Variants in WNK4 observed in about 807,000 individuals in gnomAD.
WNK4 encodes the protein serine/threonine-protein kinase WNK4.
A neutral mutation model predicts 116.2 loss-of-function variants in WNK4; 94 were observed. The ratio of observed to expected loss-of-function variants is 0.81; its 90% CI spans 0.68 to 0.96. The LOEUF (loss-of-function observed/expected upper bound fraction) is 0.96, where lower values mean the gene tolerates loss of function less well. Among genes scored for constraint, WNK4 ranks in the 40% least tolerant of loss-of-function variants. WNK4 has a pLI of 0.00. For synonymous variants in WNK4, 655 were observed against 672.7 expected (o/e 0.97, Z 0.41); for missense variants, 1,542 against 1,650.6 (o/e 0.93, Z 1.14).
chr17:42,787,553 C>T lies in WNK4; in HGVS notation c.1741+11C>T. On this transcript the variant is annotated intron_variant, in intron 7 of 18. Coordinates refer to ENST00000246914, the MANE Select transcript of WNK4 (RefSeq NM_032387.5). ...ACTCATCTACCACTTGTAAGTCACC[C>T]CTGATCTTGAGACGTAGGTCCCAGA... The T allele has an allele frequency of 6.2e-7, 1 of 1,613,176 alleles. No individual in the cohort carries two copies. Among genetic ancestry groups the T allele is most frequent in the Non-Finnish European group, 8.5e-7 (1 of 1,179,984 alleles).
At position 42,782,951 on chromosome 17, in the gene WNK4, G is replaced by A. The variant is rs1387805054; in HGVS notation, c.791+21G>A. 1 of 1,612,696 alleles carries A rather than the reference G, an allele frequency of 6.2e-7. No individual in the cohort carries two copies. Among genetic ancestry groups the A allele is most frequent in the Admixed American group, 1.7e-5 (1 of 59,816 alleles). ...AAGACGTGAGCTCTGCGCATGAGTG[G>A]GTGGGGAGAGGGAGGCTGGGATGTG... On this transcript the variant is annotated intron_variant, in intron 2 of 18. Coordinates refer to ENST00000246914, the MANE Select transcript of WNK4 (RefSeq NM_032387.5). The surrounding 1 kb of genome is among the most constrained non-coding windows in gnomAD (Gnocchi z 4.2).
chr17:42,780,622 A>G lies in WNK4; in HGVS notation c.-77A>G. 1 of 1,573,628 alleles carries G rather than the reference A, an allele frequency of 6.4e-7. No individual in the cohort carries two copies. Among genetic ancestry groups the G allele is most frequent in the Non-Finnish European group, 8.6e-7 (1 of 1,163,142 alleles). ...CAGCCGCTCAGCCGGAGCGCAGCGC[A>G]CCCAGCGAGTCCGTCTGTCAGGCCG... On this transcript the variant is annotated 5_prime_UTR_variant, in exon 1 of 19. Coordinates refer to ENST00000246914, the MANE Select transcript of WNK4 (RefSeq NM_032387.5).
chr17:42,796,397 G>A, intron 17 of WNK4, 75 bp downstream of exon 17: 2 of 1,613,204 alleles, frequency 1.2e-6, no homozygotes, highest in South Asian at 1.1e-5. Flanking sequence ...CCAGGCCCTG[G>A]GGGTCTGCCC....
Position 42,796,024 on chromosome 17 carries a change from T to C in WNK4, c.3422T>C (p.Leu1141Pro). The C allele has an allele frequency of 1.2e-6, 2 of 1,613,812 alleles. No homozygotes were observed. Among genetic ancestry groups the C allele is most frequent in the Non-Finnish European group, 1.7e-6 (2 of 1,180,000 alleles). ...GAGTTCTGGGCTGAGCTGCAGAGTC[T>C]TCGGCAGAAGTGAGTCTCGGGAGGA... ...DEEFWAELQSLRQKHLSEVET... is the reference protein window; with the variant it reads ...DEEFWAELQSPRQKHLSEVET... Residue 1141 changes from leucine (L) to proline (P), a missense_variant, in exon 16 of 19, where the codon CTT (leucine) becomes CCT (proline). Transcript: ENST00000246914.
rs769400909 is a variant in WNK4, at chr17:42,795,838, G to T, written c.3236G>T (p.Gly1079Val). The change falls in exon 16 of 19, where the codon GGT (glycine) becomes GTT (valine). Residue 1079 changes from glycine to valine, a missense_variant. Physicochemically the swap from Gly to Val is moderately radical, Grantham distance 109. This residue lies in a region of WNK4 where 292 missense variants were observed against 290.1 expected (regional missense o/e 1.01). Coordinates refer to ENST00000246914, the MANE Select transcript of WNK4 (RefSeq NM_032387.5). Reference sequence around the variant, plus strand: ...GCTGAGAGCGACCGTGCAGCTGAGGGTCTGGGGGCTGGAGTTGAGGAGGAA... The same window carrying T: ...GCTGAGAGCGACCGTGCAGCTGAGGTTCTGGGGGCTGGAGTTGAGGAGGAA... Reference protein sequence around the residue: ...ALAESDRAAEGLGAGVEEEGD... With the variant: ...ALAESDRAAEVLGAGVEEEGD... The T allele has an allele frequency of 1.9e-6, 3 of 1,613,854 alleles. No individual in the cohort carries two copies. Among genetic ancestry groups the T allele is most frequent in the Non-Finnish European group, 1.7e-6 (2 of 1,179,994 alleles).
At chr17:42,790,026 A>C (rs2054593161) in intron 11 of WNK4, among the ~76,000 whole-genome samples, 1 of 152,100 alleles carries the variant, frequency 6.6e-6, no homozygotes, top group Admixed American at 6.6e-5. Flanking sequence ...AAAACAAAAA[A>C]ACAAAAAGGC....
Position 42,795,712 on chromosome 17 carries a change from C to A in WNK4, c.3110C>A (p.Thr1037Asn), listed in dbSNP as rs1210355555. ...CTTCCCTTGCAGCCAACATCCCCCA[C>A]TCTCTCTGGTTCTCCAAAACCTTCA... ...EPLPLQPTSP[T>N]LSGSPKPSTP... The change falls in exon 16 of 19, where the codon ACT becomes AAT. Residue 1037 changes from threonine to asparagine, a missense_variant. Around this residue, in one of 7 missense-constraint regions of WNK4, gnomAD observed 292 missense variants for 290.1 expected, o/e 1.01. Transcript: ENST00000246914. 1.2e-6 allele frequency: 2 copies of A among 1,613,502 alleles called. No individual in the cohort carries two copies. Among genetic ancestry groups the A allele is most frequent in the East Asian group, 4.5e-5 (2 of 44,886 alleles).
chr17:42,784,694 G>A lies in WNK4; in HGVS notation c.1170+115G>A. On this transcript the variant is annotated intron_variant, in intron 4 of 18. Transcript: ENST00000246914. This position sits in a 1 kb window ranked among gnomAD's most constrained non-coding sequence, Gnocchi z 4.4. ...TGCACGAAAACAGGCTAGACACAGA[G>A]TCGCCTTGGTGAACACAGAAGGATA... is the stretch of plus-strand genomic sequence containing the variant. 5 of 1,374,408 alleles carry A rather than the reference G, an allele frequency of 3.6e-6. No homozygotes were observed. The highest frequency in any genetic ancestry group is 5.0e-6 in the Non-Finnish European group (5 of 991,372). The allele number at this position is 1,374,408 out of a possible 1,614,324, so 85.1% of individuals were successfully genotyped here.
chr17:42,790,592 G>A (rs1386351123), intron 11 of WNK4, among the ~76,000 whole-genome samples: 1 of 152,154 alleles, frequency 6.6e-6, no homozygotes, highest in African/African-American at 2.4e-5. Context: ...GTGTCTCAGC[G>A]CATACCACCA....
Position 42,795,758 on chromosome 17 carries a change from G to A in WNK4, c.3156G>A (p.Glu1052=). ...PKPSTPQLTS[E]SSDTEDSAGG... The stretch of plus-strand genomic sequence containing the variant: ...CTTCAACCCCTCAGCTCACTTCAGA[G>A]AGCTCAGATACAGAGGACAGTGCTG... Residue 1052 remains glutamate (E), a synonymous_variant, in exon 16 of 19, where the codon GAG becomes GAA. Coordinates refer to ENST00000246914, the MANE Select transcript of WNK4 (RefSeq NM_032387.5). The A allele has an allele frequency of 2.5e-6, 4 of 1,613,788 alleles. No homozygotes were observed. The highest frequency in any genetic ancestry group is 3.4e-6 in the Non-Finnish European group (4 of 1,180,034).
At chr17:42,788,601 C>T (rs1263617051) in intron 10 of WNK4, 80 bp from the exon 11 acceptor site, 1 of 1,294,358 alleles carries the variant, frequency 7.7e-7, no homozygotes, top group Non-Finnish European at 1.1e-6. Flanking sequence ...TGGCTGCTGT[C>T]ACTTGGCTGG....
chr17:42,785,546 G>A, intron 6 of WNK4, 64 bp downstream of exon 6: 3 of 1,540,042 alleles, frequency 1.9e-6, no homozygotes, highest in African/African-American at 1.4e-5. Flanking sequence ...AGGGGACAGT[G>A]CAACAGGGAT....
chr17:42,794,593 G>A lies in WNK4; in HGVS notation c.2296-21G>A, dbSNP rs61755619. Reference sequence around the variant, plus strand: ...GACTGCTCTTCCCCACTGTGACTGCGGACTCCTTTTTCTGCCTCAGGAGGA... The same window carrying A: ...GACTGCTCTTCCCCACTGTGACTGCAGACTCCTTTTTCTGCCTCAGGAGGA... On this transcript the variant is annotated intron_variant, in intron 12 of 18. Coordinates refer to ENST00000246914, the MANE Select transcript of WNK4 (RefSeq NM_032387.5). 1.7e-4 allele frequency: 269 copies of A among 1,613,602 alleles called. No individual in the cohort carries two copies. The African/African-American group carries it at 3.1e-3, about 19-fold the overall frequency.
At position 42,782,886 on chromosome 17, in the gene WNK4, C is replaced by A. The variant is rs755635707; in HGVS notation, c.747C>A (p.Cys249Ter). The change falls in exon 2 of 19, where the codon TGC (cysteine) becomes TGA (stop). Residue 249 changes from cysteine to a stop codon, truncating the protein, a stop_gained. Transcript: ENST00000246914. LOFTEE classifies it high-confidence loss of function. The surrounding 1 kb of genome is among the most constrained non-coding windows in gnomAD (Gnocchi z 4.2). Reference sequence around the variant, plus strand: ...AGTCGGTGCTGAGGGGCCAGGTTTGCATCGTGCTGGTCACCGAACTCATGA... The same window carrying A: ...AGTCGGTGCTGAGGGGCCAGGTTTGAATCGTGCTGGTCACCGAACTCATGA... Reference protein sequence around the residue: ...SWKSVLRGQVCIVLVTELMTS... With the variant: ...SWKSVLRGQV The A allele has an allele frequency of 6.2e-7, 1 of 1,614,200 alleles. No homozygotes were observed. Among genetic ancestry groups the A allele is most frequent in the Non-Finnish European group, 8.5e-7 (1 of 1,180,034 alleles).
Position 42,795,169 on chromosome 17 carries a change from C to A in WNK4, c.2748C>A (p.Pro916=). The A allele has an allele frequency of 6.2e-7, 1 of 1,614,078 alleles. No homozygotes were observed. Residue 916 remains proline, a synonymous_variant, in exon 14 of 19, where the codon CCC becomes CCA. Transcript: ENST00000246914. ...FPPCPSTSSF[P]STTAAPLLSL... is the part of the protein sequence containing the mutation. ...CGTGCCCCTCCACTTCTTCCTTCCC[C>A]TCCACCACAGCAGCCCCTCTCCTTT...
chr17:42,793,447 T>A, intron 11 of WNK4, 145 bp from the exon 12 acceptor site: 1 of 1,023,942 alleles, frequency 9.8e-7, no homozygotes, highest in Non-Finnish European at 1.5e-6. Flanking sequence ...TGACTTCAGG[T>A]GATCCGCCCG....
At chr17:42,792,289 C>G (rs2054614793) in intron 11 of WNK4, among the ~76,000 whole-genome samples, 1 of 149,792 alleles carries the variant, frequency 6.7e-6, no homozygotes, top group African/African-American at 2.6e-5. Context: ...TGTCAATGTT[C>G]AGCTCCAAAG....
At position 42,782,544 on chromosome 17, in the gene WNK4, C is replaced by T. The variant is rs919699587; in HGVS notation, c.619-214C>T. 3.3e-5 allele frequency among the ~76,000 whole-genome samples: 5 copies of T among 152,240 alleles called. No homozygotes were observed. The highest frequency in any genetic ancestry group is 7.2e-5 in the African/African-American group (3 of 41,464). On this transcript the variant is annotated intron_variant, in intron 1 of 18. Coordinates refer to ENST00000246914, the MANE Select transcript of WNK4 (RefSeq NM_032387.5). The surrounding 1 kb of genome is among the most constrained non-coding windows in gnomAD (Gnocchi z 4.2). ...GTCCAGCAGGGGGTCTAGGGGGCTG[C>T]CCCAGGCCCAGGTTGGGTGTGTCCT... is the stretch of plus-strand genomic sequence containing the variant.
In WNK4 at chr17:42,785,420, C is replaced by A; in HGVS notation, c.1414C>A (p.Gln472Lys). 1 of 1,564,716 alleles carries A rather than the reference C, an allele frequency of 6.4e-7. No homozygotes were observed. The highest frequency in any genetic ancestry group is 8.7e-7 in the Non-Finnish European group (1 of 1,154,284). Residue 472 changes from glutamine to lysine, a missense_variant, in exon 6 of 19, where the codon CAG (glutamine) becomes AAG (lysine). Coordinates refer to ENST00000246914, the MANE Select transcript of WNK4 (RefSeq NM_032387.5). The part of the protein sequence containing the change: ...ARRGGRPRDN[Q>K]AIEFLFQLGR... ...GCGCGGGGGGCGCCCACGGGACAAC[C>A]AGGCCATCGAGTTCCTGTTCCAGCT...
Sources: allele counts gnomAD v4.1 joint callset (sites outside exome capture counted in the v4.1 genomes callset), GRCh38; gene constraint gnomAD v4.1.1; regional missense constraint gnomAD v4.1.1; non-coding constraint Gnocchi (gnomAD v3.1); transcripts MANE v1.5; gene names NCBI Gene and HGNC (gene_info 2026-07-23, HGNC 2026-07-21).